The following CACFD1 variants were observed in gnomAD, a reference collection of about 807,000 sequenced individuals.
CACFD1 encodes the protein calcium channel flower domain containing 1.
A neutral mutation model predicts 21.3 loss-of-function variants in CACFD1; 26 were observed. The observed-to-expected ratio is 1.22, with a 90% CI of 0.89 to 1.69. CACFD1 has a LOEUF of 1.69. Ranked by LOEUF, CACFD1 falls within the 40% of genes most tolerant of loss-of-function variation. The pLI is 0.00. For missense variants in CACFD1, 265 were observed against 236.2 expected (o/e 1.12, Z -0.80); for synonymous variants, 121 against 106.6 (o/e 1.13, Z -0.83).
intron 4 of CACFD1, 184 bp from the exon 5 acceptor site, chr9:133,468,379 C>T (rs940237142): frequency 6.5e-7 from 1 of 1,535,816 alleles, no homozygotes; most frequent in African/African-American, 1.4e-5. Flanking sequence ...CCCAGCATCC[C>T]AGGGAGCCTG....
At chr9:133,461,347 TAGGGC>T (rs1843208205) in intron 1 of CACFD1, among the ~76,000 whole-genome samples, 2 of 152,184 alleles carry the variant, frequency 1.3e-5, no homozygotes, top group Non-Finnish European at 2.9e-5. Context: ...ACGGATACGG[TAGGGC>T]AGGCCCTACC....
intron 1 of CACFD1, chr9:133,461,909 T>G: frequency 1.0e-6 from 1 of 985,442 alleles, no homozygotes; most frequent in African/African-American, 1.7e-5. Context: ...GTTTTCCTCC[T>G]CCAGGGTGAG....
intron 3 of CACFD1, among the ~76,000 whole-genome samples, chr9:133,467,658 C>T (rs998448784): frequency 3.3e-5 from 5 of 152,180 alleles, no homozygotes; most frequent in Admixed American, 6.5e-5. Flanking sequence ...TGGACCATCT[C>T]GTTACTGTTT....
chr9:133,468,931 C>T lies in CACFD1; in HGVS notation c.*278C>T. 1 of 469,162 alleles carries T rather than the reference C, an allele frequency of 2.1e-6. No homozygotes were observed. Among genetic ancestry groups the T allele is most frequent in the Non-Finnish European group, 3.7e-6 (1 of 268,798 alleles). 29.1% of individuals were successfully genotyped at this position (469,162 alleles called of 1,614,324 possible). A position where few individuals can be genotyped will look rare whatever the true frequency, so the allele number is the denominator to read the frequency against. ...GCTGGGTGGGTCTGCAGATCTCACA[C>T]CACAGACAGGGCTGCCTGTGACCTG... On this transcript the variant is annotated 3_prime_UTR_variant, in exon 5 of 5. Coordinates refer to ENST00000316948, the MANE Select transcript of CACFD1 (RefSeq NM_017586.5).
intron 1 of CACFD1, among the ~76,000 whole-genome samples, chr9:133,460,491 C>CGGGGGGGG (rs1554798216): frequency 9.6e-6 from 1 of 103,708 alleles, no homozygotes; most frequent in Admixed American, 9.1e-5. Flanking sequence ...GGGGGTGGGG[C>CGGGGGGGG]ACCGGCCTGG....
Position 133,468,549 on chromosome 9 carries a change from C to T in CACFD1, c.429-14C>T, listed in dbSNP as rs1260233428. 3.2e-6 allele frequency: 5 copies of T among 1,567,324 alleles called. No homozygotes were observed. The African/African-American group carries it at 4.0e-5, about 13-fold the overall frequency. On this transcript the variant is annotated splice_polypyrimidine_tract_variant and intron_variant, in intron 4 of 4. Coordinates refer to ENST00000316948, the MANE Select transcript of CACFD1 (RefSeq NM_017586.5). ...GCTGGTGCTCCACGTGACGCTGCCT[C>T]TCTCTCTCCCCAGGGGCGATGCGAT...
intron 1 of CACFD1, among the ~76,000 whole-genome samples, chr9:133,462,741 G>A (rs910137013): frequency 1.3e-5 from 2 of 152,188 alleles, no homozygotes; most frequent in African/African-American, 4.8e-5. Flanking sequence ...GCTGGGAGGC[G>A]GGGCGTCAAG....
intron 3 of CACFD1, among the ~76,000 whole-genome samples, chr9:133,467,040 T>A (rs373836797): frequency 1.3e-5 from 2 of 152,222 alleles, no homozygotes; most frequent in African/African-American, 4.8e-5. Flanking sequence ...ATTTCTATTA[T>A]TATTTTATCA....
In CACFD1 at chr9:133,460,008, G is replaced by A. The variant is rs1013204816; in HGVS notation, c.-59G>A. 2.0e-6 allele frequency: 3 copies of A among 1,470,876 alleles called. No individual in the cohort carries two copies. Among genetic ancestry groups the A allele is most frequent in the East Asian group, 5.5e-5 (2 of 36,496 alleles). The allele number at this position is 1,470,876 out of a possible 1,614,324, so 91.1% of individuals were successfully genotyped here. A position where few individuals can be genotyped will look rare whatever the true frequency, so the allele number is the denominator to read the frequency against. Reference sequence around the variant, plus strand: ...TCCCACAAGGCAGCGCGCCGGCTCGGACGCGGCCGGCTACCGAGCCCTTTG... The same window carrying A: ...TCCCACAAGGCAGCGCGCCGGCTCGAACGCGGCCGGCTACCGAGCCCTTTG... On this transcript the variant is annotated 5_prime_UTR_variant, in exon 1 of 5. Coordinates refer to ENST00000316948, the MANE Select transcript of CACFD1 (RefSeq NM_017586.5).
intron 1 of CACFD1, chr9:133,461,810 T>TAGAATGCAA: frequency 3.2e-6 from 3 of 944,274 alleles, no homozygotes; most frequent in Non-Finnish European, 3.8e-6. Flanking sequence ...AATGCTGTAT[T>TAGAATGCAA]ACAGGGTAGA....
Position 133,465,505 on chromosome 9 carries a change from A to C in CACFD1, c.320+58A>C. The C allele has an allele frequency of 6.5e-7, 1 of 1,543,554 alleles. No individual in the cohort carries two copies. The highest frequency in any genetic ancestry group is 2.3e-5 in the East Asian group (1 of 44,244). On this transcript the variant is annotated intron_variant, in intron 3 of 4. Transcript: ENST00000316948. The surrounding 1 kb of genome is among the most constrained non-coding windows in gnomAD (Gnocchi z 5.0). ...AGTTCCCCAAAACCCCACTGACAAA[A>C]TAGGACCCAAAAGTCAGGTGAGGGT...
At chr9:133,462,671 G>T (rs1254942421) in intron 1 of CACFD1, among the ~76,000 whole-genome samples, 1 of 152,230 alleles carries the variant, frequency 6.6e-6, no homozygotes, top group South Asian at 2.1e-4. Flanking sequence ...GGTGAAGCCA[G>T]GCTGCAGGCT....
rs782770435 is a variant in CACFD1 at position 133,468,587 on chromosome 9, G to A, written c.453G>A (p.Arg151=). 3 of 1,589,760 alleles carry A rather than the reference G, an allele frequency of 1.9e-6. No homozygotes were observed. Among genetic ancestry groups the A allele is most frequent in the South Asian group, 1.2e-5 (1 of 86,810 alleles). The part of the protein sequence containing the change: ...GKKGDAISYA[R]IQQQRQQADE... ...GGGGCGATGCGATCTCCTATGCCAG[G>A]ATCCAGCAGCAGAGGCAGCAGGCGG... The change falls in exon 5 of 5, where the codon AGG becomes AGA. Residue 151 remains arginine (R), a synonymous_variant. Coordinates refer to ENST00000316948, the MANE Select transcript of CACFD1 (RefSeq NM_017586.5).
chr9:133,460,136 ACG>A lies in CACFD1; in HGVS notation c.71_72del (p.Thr24MetfsTer51). The A allele has an allele frequency of 6.4e-7, 1 of 1,560,770 alleles. No homozygotes were observed. Among genetic ancestry groups the A allele is most frequent in the Non-Finnish European group, 8.7e-7 (1 of 1,152,372 alleles). Reference sequence around the variant, plus strand: ...GCCGCCCGCGCAGGAAGAGGGCATGACGTGGTGGTACCGCTGGCTGTGTCGCC... The same window carrying A: ...GCCGCCCGCGCAGGAAGAGGGCATGATGGTGGTACCGCTGGCTGTGTCGCC... ...SAPPAQEEGM[T>X]WWYRWLCRLS... On this transcript the variant is annotated frameshift_variant, in exon 1 of 5. Coordinates refer to ENST00000316948, the MANE Select transcript of CACFD1 (RefSeq NM_017586.5). LOFTEE classifies it high-confidence loss of function.
intron 3 of CACFD1, among the ~76,000 whole-genome samples, 159 bp from the exon 4 acceptor site, chr9:133,467,762 C>A (rs1843495502): frequency 6.6e-6 from 1 of 152,224 alleles, no homozygotes; most frequent in Non-Finnish European, 1.5e-5. Context: ...AAGTTCAGGG[C>A]TGATGAAGGA....
Position 133,468,558 on chromosome 9 carries a change from C to G in CACFD1, c.429-5C>G. The stretch of plus-strand genomic sequence containing the variant: ...CCACGTGACGCTGCCTCTCTCTCTC[C>G]CCAGGGGCGATGCGATCTCCTATGC... On this transcript the variant is annotated splice_polypyrimidine_tract_variant and splice_region_variant and intron_variant, in intron 4 of 4. Coordinates refer to ENST00000316948, the MANE Select transcript of CACFD1 (RefSeq NM_017586.5). 6.4e-7 allele frequency: 1 copy of G among 1,574,532 alleles called. No homozygotes were observed. The highest frequency in any genetic ancestry group is 1.3e-5 in the African/African-American group (1 of 74,678).
intron 1 of CACFD1, 88 bp downstream of exon 1, chr9:133,460,275 G>A (rs930934679): frequency 8.0e-7 from 1 of 1,249,780 alleles, no homozygotes; most frequent in Middle Eastern, 2.8e-4. Context: ...GCGGCCCCAG[G>A]GGAAAGGACC....
rs1218214542 is a variant in CACFD1 at position 133,460,029 on chromosome 9, C to CT, written c.-35dup. The CT allele has an allele frequency of 1.3e-6, 2 of 1,517,426 alleles. No individual in the cohort carries two copies. The highest frequency in any genetic ancestry group is 1.8e-6 in the Non-Finnish European group (2 of 1,133,256). The allele number at this position is 1,517,426 out of a possible 1,614,324, so 94.0% of individuals were successfully genotyped here. Reference sequence around the variant, plus strand: ...CTCGGACGCGGCCGGCTACCGAGCCCTTTGTGAGGGCTGTGAGCTGCGCCT... The same window carrying CT: ...CTCGGACGCGGCCGGCTACCGAGCCCTTTTGTGAGGGCTGTGAGCTGCGCCT... On this transcript the variant is annotated 5_prime_UTR_variant, in exon 1 of 5. Transcript: ENST00000316948.
chr9:133,460,247 C>G (rs960837638), intron 1 of CACFD1, 60 bp downstream of exon 1: 4 of 1,384,068 alleles, frequency 2.9e-6, no homozygotes, highest in Non-Finnish European at 3.8e-6. Flanking sequence ...TCGCCCTGCC[C>G]TGCCCCGCCC....
Sources: gnomAD v4.1 joint callset for allele counts (sites outside exome capture counted in the v4.1 genomes callset) on GRCh38, gnomAD v4.1.1 for gene constraint, Gnocchi (gnomAD v3.1) non-coding constraint, MANE v1.5 for transcripts, NCBI Gene and HGNC (gene_info 2026-07-23, HGNC 2026-07-21) for gene names.